EXD3: variants seen among roughly 807,000 people sequenced by gnomAD.
The protein encoded by EXD3 is exonuclease mut-7 homolog.
Under a neutral mutation model 98.0 loss-of-function variants are expected in EXD3, and 92 were observed. That is an observed-to-expected ratio of 0.94 (90% CI 0.79 to 1.12). The LOEUF is 1.12. Ranked by LOEUF, EXD3 falls within the 50% of genes most tolerant of loss-of-function variation. The pLI is 0.00. For missense variants in EXD3, 1,222 were observed against 1,191.6 expected (o/e 1.03, Z -0.38); for synonymous variants, 569 against 526.0 (o/e 1.08, Z -1.12).
At chr9:137,312,622 A>C (rs539141147) in intron 19 of EXD3, among the ~76,000 whole-genome samples, 3 of 152,156 alleles carry the variant, frequency 2.0e-5, no homozygotes, top group Non-Finnish European at 4.4e-5. Flanking sequence ...GAGTGAGGGA[A>C]AGAGCTGCTC....
intron 1 of EXD3, among the ~76,000 whole-genome samples, chr9:137,408,776 C>A (rs1223222944): frequency 6.6e-6 from 1 of 152,150 alleles, no homozygotes; most frequent in Non-Finnish European, 1.5e-5. Flanking sequence ...TCGAGCCAAT[C>A]GGAATGGACA....
At chr9:137,315,802 C>G (rs965560033) in intron 19 of EXD3, among the ~76,000 whole-genome samples, 17 of 151,996 alleles carry the variant, frequency 1.1e-4, no homozygotes, top group Non-Finnish European at 2.1e-4. Context: ...CCCCAGACCC[C>G]ACTCCCCGCC....
chr9:137,326,547 C>A (rs1016881890), intron 17 of EXD3, among the ~76,000 whole-genome samples: 1 of 152,002 alleles, frequency 6.6e-6, no homozygotes, highest in Non-Finnish European at 1.5e-5. Flanking sequence ...AAACAGTTGG[C>A]AAAGGACTTA....
At position 137,351,235 on chromosome 9, in the gene EXD3, G is replaced by A. The variant is rs374379013; in HGVS notation, c.1384+83C>T. On this transcript the variant is annotated intron_variant, in intron 13 of 21. Coordinates refer to ENST00000340951, the MANE Select transcript of EXD3 (RefSeq NM_017820.5). ...CCAGGGTGCACCCAGCACCCTCCCCGGGGCACACGGAGGGAAGGGTCAGGC... is the reference window on the plus strand; with the variant it reads ...CCAGGGTGCACCCAGCACCCTCCCCAGGGCACACGGAGGGAAGGGTCAGGC... The A allele has an allele frequency of 4.2e-5, 65 of 1,535,606 alleles. No homozygotes were observed. In the East Asian group the frequency reaches 5.1e-4, roughly 12 times the overall value.
chr9:137,319,189 C>G (rs1481827081), intron 19 of EXD3, among the ~76,000 whole-genome samples: 1 of 152,250 alleles, frequency 6.6e-6, no homozygotes, highest in Non-Finnish European at 1.5e-5. Flanking sequence ...CTGCGTCAGC[C>G]TGAGCGTGCC....
chr9:137,417,401 A>C (rs1838288847), intron 1 of EXD3, among the ~76,000 whole-genome samples: 1 of 152,148 alleles, frequency 6.6e-6, no homozygotes, highest in Non-Finnish European at 1.5e-5. Context: ...GCCGAACCTG[A>C]CCACGGGTTC....
At chr9:137,320,352 C>G (rs1174506682) in intron 19 of EXD3, among the ~76,000 whole-genome samples, 1 of 152,244 alleles carries the variant, frequency 6.6e-6, no homozygotes, top group East Asian at 1.9e-4. Flanking sequence ...GATCCAGATG[C>G]TCCTTCCCTC....
chr9:137,355,621 G>GGAGAAAGGGAGGAAGGAGGAAGGAGGAA (rs1564508880), intron 8 of EXD3, among the ~76,000 whole-genome samples: 3 of 3,848 alleles, frequency 7.8e-4, no homozygotes, highest in Admixed American at 5.2e-3. Flanking sequence ...GAAGGAGGAA[G>GGAGAAAGGGAGGAAGGAGGAAGGAGGAA]GGAGGATGGA....
In EXD3 at chr9:137,393,551, A is replaced by G. The variant is rs1837050490; in HGVS notation, c.55+1752T>C. On this transcript the variant is annotated intron_variant, in intron 2 of 21. Transcript: ENST00000340951. This position sits in a 1 kb window ranked among gnomAD's most constrained non-coding sequence, Gnocchi z 4.6. ...CCCGAGCACACGCTGACCTGGCTACATCAGGGAAGGCGACATGCCCGGAGG... is the reference window on the plus strand; with the variant it reads ...CCCGAGCACACGCTGACCTGGCTACGTCAGGGAAGGCGACATGCCCGGAGG... Among the ~76,000 whole-genome samples, 5 of 152,316 alleles carry G rather than the reference A, an allele frequency of 3.3e-5. No homozygotes were observed. In the South Asian group the frequency reaches 8.3e-4, roughly 25 times the overall value.
Position 137,372,965 on chromosome 9 carries a change from T to G in EXD3, c.402A>C (p.Ala134=). The G allele has an allele frequency of 1.2e-6, 2 of 1,603,494 alleles. No homozygotes were observed. The highest frequency in any genetic ancestry group is 1.7e-6 in the Non-Finnish European group (2 of 1,179,726). The part of the protein sequence containing the change: ...PLASIFQLQD[A]DRSCLLAHVH... ...CGTGTGCCAGCAGGCAGCTCCTGTC[T>G]GCATCCTGCAGCTGGAAGATGCTGG... Residue 134 remains alanine (A), a synonymous_variant, in exon 5 of 22, where the codon GCA becomes GCC. Transcript: ENST00000340951.
chr9:137,365,749 T>C (rs1164760475), intron 7 of EXD3: 22 of 296,178 alleles, frequency 7.4e-5, no homozygotes, highest in Non-Finnish European at 1.4e-4. Context: ...GGCACACACA[T>C]ACATGCACAC....
At chr9:137,350,605 GGAGGGTTCTAGATAGA>G (rs1834240307) in intron 14 of EXD3, among the ~76,000 whole-genome samples, 4 of 122,072 alleles carry the variant, frequency 3.3e-5, no homozygotes, top group Admixed American at 8.0e-5. Context: ...GGGATCACGG[GGAGGGTTCTAGATAGA>G]GAGGGGTGGG....
intron 19 of EXD3, 73 bp downstream of exon 19, chr9:137,323,652 C>T (rs1832215825): frequency 1.3e-6 from 2 of 1,566,932 alleles, no homozygotes; most frequent in South Asian, 2.4e-5. Context: ...AGGGTGGGGC[C>T]CACCTCCCTG....
chr9:137,355,492 T>C (rs199582416), intron 8 of EXD3, among the ~76,000 whole-genome samples: 1,194 of 30,592 alleles, frequency 0.039, 16 homozygotes, highest in Middle Eastern at 0.062. Context: ...GGAAGGAGGA[T>C]GGAGGAAGGA....
At position 137,366,492 on chromosome 9, in the gene EXD3, C is replaced by T. The variant is rs1835264380; in HGVS notation, c.656+1G>A. The T allele has an allele frequency of 3.2e-6, 5 of 1,549,884 alleles. No homozygotes were observed. The highest frequency in any genetic ancestry group is 8.7e-7 in the Non-Finnish European group (1 of 1,146,564). ...AGCTGCCAGCGCCCCACGGGACTCA[C>T]CTGGCAACGTCCTTGATGTCAAAGC... On this transcript the variant is annotated splice_donor_variant, in intron 7 of 21. Coordinates refer to ENST00000340951, the MANE Select transcript of EXD3 (RefSeq NM_017820.5). LOFTEE classifies it high-confidence loss of function.
rs1836542524 is a variant in EXD3, at chr9:137,385,462, A to G, written c.56-2085T>C. 6.6e-6 allele frequency among the ~76,000 whole-genome samples: 1 copy of G among 152,232 alleles called. No homozygotes were observed. The highest frequency in any genetic ancestry group is 1.5e-5 in the Non-Finnish European group (1 of 68,052). On this transcript the variant is annotated intron_variant, in intron 2 of 21. Coordinates refer to ENST00000340951, the MANE Select transcript of EXD3 (RefSeq NM_017820.5). The surrounding 1 kb of genome is among the most constrained non-coding windows in gnomAD (Gnocchi z 4.4). ...TGTTCACGATCATGTGCCGAGCCGC[A>G]TCATGTGCTCTGCGTTCCTTCCTAC...
chr9:137,405,223 G>A lies in EXD3; in HGVS notation c.-47-9819C>T, dbSNP rs945489488. On this transcript the variant is annotated intron_variant, in intron 1 of 21. Transcript: ENST00000340951. The surrounding 1 kb of genome is among the most constrained non-coding windows in gnomAD (Gnocchi z 4.1). Reference sequence around the variant, plus strand: ...GGACCTCCTAACTGCGCTGGGGTCCGGCACAGTGGGCTCTGACCCACAGAG... The same window carrying A: ...GGACCTCCTAACTGCGCTGGGGTCCAGCACAGTGGGCTCTGACCCACAGAG... Among the ~76,000 whole-genome samples, 2 of 152,204 alleles carry A rather than the reference G, an allele frequency of 1.3e-5. No individual in the cohort carries two copies. The highest frequency in any genetic ancestry group is 2.9e-5 in the Non-Finnish European group (2 of 68,032).
At chr9:137,350,402 G>T (rs1260315228) in intron 14 of EXD3, among the ~76,000 whole-genome samples, 3 of 88,390 alleles carry the variant, frequency 3.4e-5, no homozygotes, top group Admixed American at 1.4e-4. Flanking sequence ...ACGGGGAGGG[G>T]TTAGATAGAG....
intron 10 of EXD3, chr9:137,353,440 C>T: frequency 1.0e-6 from 1 of 985,406 alleles, no homozygotes; most frequent in South Asian, 4.7e-5. Flanking sequence ...CCCTTCCCCT[C>T]CTCCTCATTA....
Sources: gnomAD v4.1 joint callset for allele counts (sites outside exome capture counted in the v4.1 genomes callset) on GRCh38, gnomAD v4.1.1 for gene constraint, Gnocchi (gnomAD v3.1) non-coding constraint, MANE v1.5 for transcripts, NCBI Gene and HGNC (gene_info 2026-07-23, HGNC 2026-07-21) for gene names.